CRACDL: variants seen among roughly 807,000 people sequenced by gnomAD.
CRACDL encodes the protein CRACD like.
CRACDL carries 26 observed loss-of-function variants against 70.6 expected under a neutral mutation model. The ratio of observed to expected loss-of-function variants is 0.37; its 90% CI spans 0.27 to 0.51. CRACDL has a LOEUF of 0.51. Among genes scored for constraint, CRACDL ranks in the 20% least tolerant of loss-of-function variants. The pLI is 0.94. For missense variants in CRACDL, 1,283 were observed against 1,376.9 expected, an observed-to-expected ratio of 0.93 and a Z score of 1.08; for synonymous variants, 618 against 615.2, an observed-to-expected ratio of 1.00 and a Z score of -0.07.
chr2:98,824,432 AG>A (rs1181811636), intron 6 of CRACDL, among the ~76,000 whole-genome samples: 1 of 152,144 alleles, frequency 6.6e-6, no homozygotes, highest in Admixed American at 6.5e-5. Flanking sequence ...GCCTTGTGAT[AG>A]TCTTCTTCTG....
intron 1 of CRACDL, among the ~76,000 whole-genome samples, chr2:98,865,029 G>T: frequency 6.6e-6 from 1 of 152,182 alleles, no homozygotes; most frequent in Non-Finnish European, 1.5e-5. Context: ...GAAGACTGGA[G>T]GTGCAGGCAG....
At position 98,929,790 on chromosome 2, in the gene CRACDL, A is replaced by C. The variant is rs561364198; in HGVS notation, c.-11+6148T>G. Among the ~76,000 whole-genome samples the C allele has an allele frequency of 7.3e-5, 11 of 150,970 alleles. No homozygotes were observed. The South Asian group carries it at 2.3e-3, about 31-fold the overall frequency. On this transcript the variant is annotated intron_variant, in intron 1 of 9. Coordinates refer to ENST00000397899, the MANE Select transcript of CRACDL (RefSeq NM_207362.3). ...AAAAAACAACAAACGCAATGGGTGA[A>C]TCTCATAGGATATGTCAAGTAGAGA... is the stretch of plus-strand genomic sequence containing the variant.
At chr2:98,802,841 C>A (rs972509175) in intron 7 of CRACDL, among the ~76,000 whole-genome samples, 3 of 152,180 alleles carry the variant, frequency 2.0e-5, no homozygotes, top group African/African-American at 7.2e-5. Flanking sequence ...AGGTTGCTTG[C>A]CTTTTGGCTG....
At chr2:98,872,916 G>A (rs1057290482) in intron 1 of CRACDL, among the ~76,000 whole-genome samples, 7 of 152,210 alleles carry the variant, frequency 4.6e-5, no homozygotes, top group Non-Finnish European at 1.0e-4. Context: ...AAACTGTCTC[G>A]TGCTTTTTCA....
rs368800997 is a variant in CRACDL, at chr2:98,877,292, G to T, written c.-10-30482C>A. Among the ~76,000 whole-genome samples the T allele has an allele frequency of 1.2e-4, 19 of 152,288 alleles. No homozygotes were observed. The South Asian group carries it at 1.7e-3, about 13-fold the overall frequency. On this transcript the variant is annotated intron_variant, in intron 1 of 9. Transcript: ENST00000397899. ...CTCAACTGTGATCCAAGTGGTTTGG[G>T]CTCCGATATCTAACATTCTATTATG...
chr2:98,800,554 G>T (rs1357101374), intron 7 of CRACDL, among the ~76,000 whole-genome samples: 1 of 152,090 alleles, frequency 6.6e-6, no homozygotes, highest in Non-Finnish European at 1.5e-5. Context: ...CAAGGGCTTG[G>T]ATATCTTGTT....
chr2:98,856,420 G>A (rs780286450), intron 1 of CRACDL, among the ~76,000 whole-genome samples: 8 of 152,112 alleles, frequency 5.3e-5, no homozygotes, highest in Non-Finnish European at 1.2e-4. Context: ...CAAAAACTGA[G>A]ATGATTTCTT....
At chr2:98,908,209 G>T (rs1708461789) in intron 1 of CRACDL, among the ~76,000 whole-genome samples, 1 of 152,228 alleles carries the variant, frequency 6.6e-6, no homozygotes, top group South Asian at 2.1e-4. Context: ...TGTCTCAACT[G>T]GGAGGCAAGC....
At chr2:98,931,950 CAA>C (rs1709089350) in intron 1 of CRACDL, among the ~76,000 whole-genome samples, 1 of 152,250 alleles carries the variant, frequency 6.6e-6, no homozygotes, top group Non-Finnish European at 1.5e-5. Context: ...AAAAGCAATA[CAA>C]ATATCTTCAA....
intron 1 of CRACDL, among the ~76,000 whole-genome samples, chr2:98,897,116 A>C (rs1193741443): frequency 1.3e-5 from 2 of 151,842 alleles, no homozygotes; most frequent in African/African-American, 4.8e-5. Context: ...GCTCCTTTAT[A>C]GCCACACACT....
At chr2:98,896,110 G>C (rs563563508) in intron 1 of CRACDL, among the ~76,000 whole-genome samples, 2 of 152,316 alleles carry the variant, frequency 1.3e-5, no homozygotes, top group Admixed American at 6.5e-5. Flanking sequence ...TGTGGCAGGA[G>C]GGCTGGCTGG....
intron 1 of CRACDL, among the ~76,000 whole-genome samples, chr2:98,932,607 C>G (rs1437206017): frequency 6.6e-6 from 1 of 152,162 alleles, no homozygotes; most frequent in Admixed American, 6.5e-5. Context: ...ACGCAGAAAG[C>G]CATTCAATCC....
chr2:98,816,450 G>T (rs1382284104), intron 7 of CRACDL, among the ~76,000 whole-genome samples: 1 of 152,172 alleles, frequency 6.6e-6, no homozygotes, highest in African/African-American at 2.4e-5. Context: ...TCTGGCTTGA[G>T]TATCTGGGTA....
intron 1 of CRACDL, among the ~76,000 whole-genome samples, chr2:98,861,382 C>A (rs1277053048): frequency 1.3e-5 from 2 of 152,134 alleles, no homozygotes; most frequent in East Asian, 3.9e-4. Flanking sequence ...CAGTGAGTTA[C>A]TACTTCATAC....
chr2:98,798,443 C>CAAAAAAAAA (rs70940125), intron 7 of CRACDL, among the ~76,000 whole-genome samples: 5 of 44,356 alleles, frequency 1.1e-4, no homozygotes, highest in Admixed American at 2.8e-4. Context: ...GACTCCGTCT[C>CAAAAAAAAA]AAAAAAAAAA....
rs373813701 is a variant in CRACDL, at chr2:98,822,022, G to A, written c.2251C>T (p.Arg751Trp). The change falls in exon 7 of 10, where the codon CGG becomes TGG. Residue 751 changes from arginine (R) to tryptophan (W), a missense_variant. Coordinates refer to ENST00000397899, the MANE Select transcript of CRACDL (RefSeq NM_207362.3). This position sits in a 1 kb window ranked among gnomAD's most constrained non-coding sequence, Gnocchi z 4.9. ...TTGGAGCTGAGCGGCTCGGGGGGCC[G>A]GGCCTTCCCCTTTCCTTGGTCGCTG... ...APSDQGKGKA[R>W]PPEPLSSKPP... is the part of the protein sequence containing the mutation. 80 of 1,539,414 alleles carry A rather than the reference G, an allele frequency of 5.2e-5. No individual in the cohort carries two copies. Among genetic ancestry groups the A allele is most frequent in the Middle Eastern group, 3.4e-4 (2 of 5,940 alleles).
chr2:98,832,507 T>C lies in CRACDL; in HGVS notation c.381A>G (p.Lys127=). 1 of 1,590,988 alleles carries C rather than the reference T, an allele frequency of 6.3e-7. No individual in the cohort carries two copies. Among genetic ancestry groups the C allele is most frequent in the Non-Finnish European group, 8.6e-7 (1 of 1,168,424 alleles). ...VCDRIKALQL[K]IQCNVKMGPP... ...GCCCCATTTTCACATTACACTGTAT[T>C]TTTAACTAGATTGGAATAAAGAACA... Residue 127 remains lysine (K), a synonymous_variant, in exon 5 of 10, where the codon AAA becomes AAG. Coordinates refer to ENST00000397899, the MANE Select transcript of CRACDL (RefSeq NM_207362.3).
chr2:98,880,390 T>C (rs1257078204), intron 1 of CRACDL, among the ~76,000 whole-genome samples: 1 of 152,238 alleles, frequency 6.6e-6, no homozygotes, highest in South Asian at 2.1e-4. Flanking sequence ...AGCTGATATA[T>C]GCTTACTCCT....
At chr2:98,905,595 T>C (rs1326986038) in intron 1 of CRACDL, among the ~76,000 whole-genome samples, 1 of 152,046 alleles carries the variant, frequency 6.6e-6, no homozygotes, top group Non-Finnish European at 1.5e-5. Context: ...CCCTCCTGTG[T>C]AAAAGATTTA....
Sources: allele counts gnomAD v4.1 joint callset (sites outside exome capture counted in the v4.1 genomes callset), GRCh38; gene constraint gnomAD v4.1.1; non-coding constraint Gnocchi (gnomAD v3.1); transcripts MANE v1.5; gene names NCBI Gene and HGNC (gene_info 2026-07-23, HGNC 2026-07-21).